The following TBC1D5 variants were observed in gnomAD, a reference collection of about 807,000 sequenced individuals.
TBC1D5 encodes the protein TBC1 domain family member 5.
In TBC1D5, 75 loss-of-function variants were observed where a neutral mutation model predicts 100.3. The ratio of observed to expected loss-of-function variants is 0.75; its 90% confidence interval spans 0.62 to 0.91. TBC1D5 has a LOEUF of 0.91. TBC1D5 is among the 40% of genes least tolerant of loss of function. The pLI is 0.00. For missense variants in TBC1D5, 910 were observed against 942.4 expected (o/e 0.97, Z 0.45); for synonymous variants, 323 against 325.6 (o/e 0.99, Z 0.09).
At chr3:17,450,696 AAAGG>A (rs2094905392) in intron 3 of TBC1D5, among the ~76,000 whole-genome samples, 1 of 152,206 alleles carries the variant, frequency 6.6e-6, no homozygotes, top group Non-Finnish European at 1.5e-5. Context: ...AAAAGAATGA[AAAGG>A]AATGAACAAA....
intron 1 of TBC1D5, among the ~76,000 whole-genome samples, chr3:17,728,549 A>G (rs1401473401): frequency 6.6e-6 from 1 of 152,234 alleles, no homozygotes; most frequent in Non-Finnish European, 1.5e-5. Flanking sequence ...TCAATGGAAT[A>G]AATCCAAGAT....
At chr3:17,261,284 T>G (rs536740986) in intron 15 of TBC1D5, among the ~76,000 whole-genome samples, 1 of 152,288 alleles carries the variant, frequency 6.6e-6, no homozygotes, top group East Asian at 1.9e-4. Flanking sequence ...AAATTGAAAC[T>G]AGGTAACAGG....
At chr3:17,356,280 T>G (rs2091205967) in intron 13 of TBC1D5, among the ~76,000 whole-genome samples, 1 of 152,192 alleles carries the variant, frequency 6.6e-6, no homozygotes, top group African/African-American at 2.4e-5. Flanking sequence ...GGTGAAAGCA[T>G]GCTCACCTAA....
At chr3:17,577,251 A>T (rs1368377427) in intron 2 of TBC1D5, among the ~76,000 whole-genome samples, 1 of 151,990 alleles carries the variant, frequency 6.6e-6, no homozygotes, top group Non-Finnish European at 1.5e-5. Flanking sequence ...GCAAAAAGCG[A>T]TTCCAACTAA....
intron 1 of TBC1D5, among the ~76,000 whole-genome samples, chr3:17,696,792 A>T (rs2072183203): frequency 6.6e-6 from 1 of 152,242 alleles, no homozygotes; most frequent in Non-Finnish European, 1.5e-5. Flanking sequence ...CCTGGCAGAG[A>T]CACAACAGAA....
At chr3:17,710,759 G>A (rs1443283822) in intron 1 of TBC1D5, among the ~76,000 whole-genome samples, 8 of 151,922 alleles carry the variant, frequency 5.3e-5, no homozygotes, top group Non-Finnish European at 1.0e-4. Context: ...GTGCAGTGGC[G>A]CAATCTCGGC....
chr3:17,660,073 T>A (rs2066492196), intron 1 of TBC1D5, among the ~76,000 whole-genome samples: 1 of 152,178 alleles, frequency 6.6e-6, no homozygotes, highest in Non-Finnish European at 1.5e-5. Flanking sequence ...ACTTTACCTG[T>A]GTCAGGCAAT....
At chr3:17,435,856 T>C (rs2094525858) in intron 3 of TBC1D5, among the ~76,000 whole-genome samples, 1 of 152,176 alleles carries the variant, frequency 6.6e-6, no homozygotes, top group African/African-American at 2.4e-5. Context: ...TAGAGCAATA[T>C]GCATGATCAG....
chr3:17,597,103 C>T (rs1409157933), intron 2 of TBC1D5, among the ~76,000 whole-genome samples: 1 of 152,148 alleles, frequency 6.6e-6, no homozygotes, highest in East Asian at 1.9e-4. Context: ...TATATGTAGG[C>T]AGCTGTAGTT....
chr3:17,574,583 T>C (rs2096646276), intron 2 of TBC1D5, among the ~76,000 whole-genome samples: 1 of 151,934 alleles, frequency 6.6e-6, no homozygotes. Flanking sequence ...TCTCAGAGAG[T>C]GGAAGGGCCA....
At chr3:17,177,275 A>G (rs1039800159) in intron 19 of TBC1D5, among the ~76,000 whole-genome samples, 5 of 152,178 alleles carry the variant, frequency 3.3e-5, no homozygotes. Flanking sequence ...GAAGAGGGAT[A>G]AGCTAGTGTG....
intron 1 of TBC1D5, among the ~76,000 whole-genome samples, chr3:17,637,030 T>A (rs964333315): frequency 4.6e-5 from 7 of 150,934 alleles, no homozygotes; most frequent in African/African-American, 1.7e-4. Flanking sequence ...TTTATTATTT[T>A]TTTTTTTTTG....
intron 19 of TBC1D5, among the ~76,000 whole-genome samples, chr3:17,180,414 T>C (rs13067876): frequency 0.046 from 7,008 of 152,284 alleles, 265 homozygotes; most frequent in East Asian, 0.21. Flanking sequence ...TGTTCTGCTA[T>C]CAGTTATAAA....
chr3:17,682,428 A>G (rs542664252), intron 1 of TBC1D5, among the ~76,000 whole-genome samples: 4 of 151,612 alleles, frequency 2.6e-5, no homozygotes, highest in Non-Finnish European at 4.4e-5. Context: ...AAAAGCCATA[A>G]AACATCAGAG....
chr3:17,681,267 T>G (rs916472412), intron 1 of TBC1D5, among the ~76,000 whole-genome samples: 24 of 151,646 alleles, frequency 1.6e-4, no homozygotes, highest in Non-Finnish European at 2.4e-4. Context: ...ATATTATACA[T>G]ATGAATAAGA....
At chr3:17,704,358 TCCCTTCCCCA>T (rs2073667485) in intron 1 of TBC1D5, among the ~76,000 whole-genome samples, 2 of 151,996 alleles carry the variant, frequency 1.3e-5, no homozygotes, top group Admixed American at 6.6e-5. Flanking sequence ...GATTTCTCAA[TCCCTTCCCCA>T]CCCTTCCCGC....
At chr3:17,608,689 T>C (rs1311082023) in intron 2 of TBC1D5, among the ~76,000 whole-genome samples, 2 of 152,202 alleles carry the variant, frequency 1.3e-5, no homozygotes, top group Admixed American at 1.3e-4. Flanking sequence ...AGAAGATCTG[T>C]TGTATTTTCA....
intron 13 of TBC1D5, among the ~76,000 whole-genome samples, chr3:17,314,377 C>T (rs971326743): frequency 6.6e-6 from 1 of 152,134 alleles, no homozygotes; most frequent in African/African-American, 2.4e-5. Context: ...CCCTGGGCTT[C>T]CCCTATCTCT....
intron 3 of TBC1D5, among the ~76,000 whole-genome samples, chr3:17,439,436 A>C (rs866919930): frequency 1.3e-5 from 2 of 152,218 alleles, no homozygotes; most frequent in Admixed American, 6.5e-5. Context: ...TAAATAAAGA[A>C]GTGAAGGCAT....
Sources: allele counts gnomAD v4.1 joint callset (sites outside exome capture counted in the v4.1 genomes callset), GRCh38; gene constraint gnomAD v4.1.1; transcripts MANE v1.5; gene names NCBI Gene and HGNC (gene_info 2026-07-23, HGNC 2026-07-21).